Variants in LRRC4C observed in about 807,000 individuals in gnomAD.
The protein encoded by LRRC4C is leucine-rich repeat-containing protein 4C.
Under a neutral mutation model 33.6 loss-of-function variants are expected in LRRC4C, and 5 were observed. The observed-to-expected ratio is 0.15, with a 90% confidence interval of 0.08 to 0.31. The LOEUF (loss-of-function observed/expected upper bound fraction) is 0.31. Among genes scored for constraint, LRRC4C ranks in the 10% least tolerant of loss-of-function variants. LRRC4C has a pLI of 1.00. For missense variants in LRRC4C, 560 were observed against 796.7 expected (o/e 0.70, Z 3.58); for synonymous variants, 329 against 302.0 (o/e 1.09, Z -0.93).
chr11:41,162,676 T>C (rs1944526282), intron 1 of LRRC4C, among the ~76,000 whole-genome samples: 1 of 152,032 alleles, frequency 6.6e-6, no homozygotes, highest in Non-Finnish European at 1.5e-5. Flanking sequence ...AAAGGTACAG[T>C]AAAAACATAG....
At chr11:41,024,667 A>T (rs1030767097) in intron 1 of LRRC4C, among the ~76,000 whole-genome samples, 5 of 151,690 alleles carry the variant, frequency 3.3e-5, no homozygotes, top group African/African-American at 1.2e-4. Context: ...TCCATTTAGT[A>T]GATGCATCTT....
intron 1 of LRRC4C, among the ~76,000 whole-genome samples, chr11:41,428,756 G>A (rs1411619394): frequency 6.6e-6 from 1 of 152,040 alleles, no homozygotes; most frequent in Non-Finnish European, 1.5e-5. Context: ...TTCCCCACAA[G>A]TATTTAATCA....
intron 5 of LRRC4C, among the ~76,000 whole-genome samples, chr11:40,218,521 G>A (rs959275982): frequency 5.3e-5 from 8 of 152,014 alleles, no homozygotes; most frequent in Admixed American, 1.3e-4. Context: ...AACAAAGATC[G>A]TCAGAGGAAC....
At chr11:40,670,108 A>G (rs1944015243) in intron 2 of LRRC4C, among the ~76,000 whole-genome samples, 1 of 152,156 alleles carries the variant, frequency 6.6e-6, no homozygotes, top group South Asian at 2.1e-4. Context: ...TTTCTCCCAG[A>G]AAAAAATAGT....
intron 1 of LRRC4C, among the ~76,000 whole-genome samples, chr11:41,259,564 G>A (rs1224760835): frequency 1.3e-5 from 2 of 151,960 alleles, no homozygotes; most frequent in Admixed American, 1.3e-4. Flanking sequence ...AGAAGGCATT[G>A]TTTAATCACA....
chr11:40,320,654 CCAGA>C (rs150288527), intron 3 of LRRC4C, among the ~76,000 whole-genome samples: 1,586 of 152,142 alleles, frequency 0.01, 20 homozygotes, highest in African/African-American at 0.036. Context: ...TCATAATTAG[CCAGA>C]CAATTTTGGG....
At chr11:40,557,760 CAAT>C (rs1204948246) in intron 3 of LRRC4C, among the ~76,000 whole-genome samples, 1 of 151,886 alleles carries the variant, frequency 6.6e-6, no homozygotes, top group Non-Finnish European at 1.5e-5. Context: ...AAATTTCCAA[CAAT>C]GACTGATATT....
intron 3 of LRRC4C, among the ~76,000 whole-genome samples, chr11:40,603,858 G>A (rs2135826647): frequency 6.6e-6 from 1 of 152,222 alleles, no homozygotes; most frequent in East Asian, 1.9e-4. Context: ...AAAAATTATA[G>A]TAAACAATAA....
At chr11:40,690,919 A>C (rs1367633920) in intron 2 of LRRC4C, among the ~76,000 whole-genome samples, 1 of 151,924 alleles carries the variant, frequency 6.6e-6, no homozygotes, top group Admixed American at 6.6e-5. Flanking sequence ...GGGAATCTCA[A>C]AGTCAAATGG....
At chr11:41,127,468 CTTT>C (rs2135811219) in intron 1 of LRRC4C, among the ~76,000 whole-genome samples, 1 of 151,892 alleles carries the variant, frequency 6.6e-6, no homozygotes, top group South Asian at 2.1e-4. Context: ...ATTTTCTTTT[CTTT>C]TTTCTTTGTT....
chr11:40,446,253 T>A (rs1172525544), intron 3 of LRRC4C: 4 of 152,186 alleles, frequency 2.6e-5, no homozygotes, highest in Admixed American at 2.6e-4. Flanking sequence ...TCTGAAATGC[T>A]CATGATTTCT....
At chr11:41,423,459 T>C (rs1394774499) in intron 1 of LRRC4C, among the ~76,000 whole-genome samples, 1 of 152,006 alleles carries the variant, frequency 6.6e-6, no homozygotes, top group Non-Finnish European at 1.5e-5. Flanking sequence ...ACTTTTCTGG[T>C]TGAACATATA....
At chr11:40,191,040 A>G (rs1861798854) in intron 5 of LRRC4C, among the ~76,000 whole-genome samples, 1 of 152,206 alleles carries the variant, frequency 6.6e-6, no homozygotes, top group Admixed American at 6.5e-5. Flanking sequence ...ACTATTGAAT[A>G]TATTACTTGA....
chr11:41,051,985 T>C (rs919166808), intron 1 of LRRC4C, among the ~76,000 whole-genome samples: 6 of 152,154 alleles, frequency 3.9e-5, no homozygotes, highest in African/African-American at 1.2e-4. Context: ...ACAGAGCAAA[T>C]TGTGATACCT....
intron 3 of LRRC4C, among the ~76,000 whole-genome samples, chr11:40,327,620 T>C (rs751002224): frequency 7.2e-5 from 11 of 152,250 alleles, no homozygotes; most frequent in Non-Finnish European, 1.2e-4. Flanking sequence ...TCTGTCAGTC[T>C]ATCAGTCAGC....
rs74570800 is a variant in LRRC4C, at chr11:41,430,807, T to A, written c.-496+28624A>T. 2.3e-3 allele frequency among the ~76,000 whole-genome samples: 345 copies of A among 152,152 alleles called. 1 individual carries two copies. Among genetic ancestry groups the A allele is most frequent in the African/African-American group, 7.5e-3 (311 of 41,522 alleles). Reference sequence around the variant, plus strand: ...ATATTTTTGTGTATATATATATATATCTTTATTTTCTCATGAGAGTAGGTC... The same window carrying A: ...ATATTTTTGTGTATATATATATATAACTTTATTTTCTCATGAGAGTAGGTC... On this transcript the variant is annotated intron_variant, in intron 1 of 6. Transcript: ENST00000528697.
rs547455218 is a variant in LRRC4C at position 40,287,665 on chromosome 11, G to A, written c.-176+31963C>T. Among the ~76,000 whole-genome samples the A allele has an allele frequency of 3.9e-5, 6 of 152,068 alleles. No homozygotes were observed. The South Asian group carries it at 1.2e-3, about 32-fold the overall frequency. On this transcript the variant is annotated intron_variant, in intron 4 of 6. Coordinates refer to ENST00000528697, the MANE Select transcript of LRRC4C (RefSeq NM_001258419.2). ...TGCAACTGATTCTTGACCTTCTTAG[G>A]GAATCTTCTAAGATACCATTTACAG...
intron 4 of LRRC4C, among the ~76,000 whole-genome samples, chr11:40,247,612 G>C (rs557698657): frequency 8.5e-5 from 13 of 152,120 alleles, no homozygotes; most frequent in African/African-American, 3.1e-4. Flanking sequence ...TACACTCCAG[G>C]TCATTGCACT....
intron 1 of LRRC4C, among the ~76,000 whole-genome samples, chr11:41,420,358 A>G (rs1477529637): frequency 6.6e-6 from 1 of 151,986 alleles, no homozygotes; most frequent in Non-Finnish European, 1.5e-5. Flanking sequence ...AAGTTGTGTG[A>G]TTCCATAATC....
Sources: gnomAD v4.1 joint callset for allele counts (sites outside exome capture counted in the v4.1 genomes callset) on GRCh38, gnomAD v4.1.1 for gene constraint, MANE v1.5 for transcripts, NCBI Gene and HGNC (gene_info 2026-07-23, HGNC 2026-07-21) for gene names.